Variants in CPED1 observed in about 807,000 individuals in gnomAD.
CPED1 encodes the protein cadherin like and PC-esterase domain containing 1.
CPED1 carries 114 observed loss-of-function variants against 128.2 expected under a neutral mutation model. The ratio of observed to expected loss-of-function variants is 0.89; its 90% confidence interval spans 0.76 to 1.04. The LOEUF (loss-of-function observed/expected upper bound fraction) is 1.04, where lower values mean the gene tolerates loss of function less well. Ranked by LOEUF, CPED1 falls within the 50% of genes least tolerant of loss-of-function variation. The pLI is 0.00. For synonymous variants in CPED1, 462 were observed against 426.7 expected (o/e 1.08, Z -1.02); for missense variants, 1,211 against 1,207.1 (o/e 1.00, Z -0.05).
rs528887641 is a variant in CPED1 at position 121,028,453 on chromosome 7, C to T, written c.433+12605C>T. Among the ~76,000 whole-genome samples, 5 of 152,198 alleles carry T rather than the reference C, an allele frequency of 3.3e-5. No homozygotes were observed. In the South Asian group the frequency reaches 6.2e-4, roughly 19 times the overall value. On this transcript the variant is annotated intron_variant, in intron 3 of 22. Transcript: ENST00000310396. The stretch of plus-strand genomic sequence containing the variant: ...AAGCCCCACACTGAATTTGCGCAGA[C>T]GCTGAACCCATTAATTATGAGTTGA...
At chr7:121,266,539 A>G in intron 19 of CPED1, 92 bp downstream of exon 19, 3 of 1,243,198 alleles carry the variant, frequency 2.4e-6, no homozygotes, top group East Asian at 4.7e-5. Context: ...CTGTACATCA[A>G]ATGTGCTCAA....
At chr7:121,111,915 T>C (rs1475180976) in intron 7 of CPED1, among the ~76,000 whole-genome samples, 2 of 152,138 alleles carry the variant, frequency 1.3e-5, no homozygotes, top group Non-Finnish European at 2.9e-5. Flanking sequence ...TTTCTCATGG[T>C]TCTATAAATT....
intron 3 of CPED1, among the ~76,000 whole-genome samples, chr7:121,027,916 G>A (rs899362632): frequency 1.3e-5 from 2 of 151,996 alleles, no homozygotes; most frequent in African/African-American, 4.8e-5. Context: ...CTCCTTATCA[G>A]AGTCACTAAA....
chr7:121,266,872 C>CT, intron 20 of CPED1, 64 bp downstream of exon 20: 2 of 1,135,646 alleles, frequency 1.8e-6, no homozygotes, highest in Non-Finnish European at 2.7e-6. Flanking sequence ...ATGGATGTGA[C>CT]TGAGTTTTAT....
chr7:121,235,128 C>CT (rs1474557924), intron 16 of CPED1, among the ~76,000 whole-genome samples: 3 of 152,136 alleles, frequency 2.0e-5, no homozygotes, highest in South Asian at 4.1e-4. Context: ...AATCATGACA[C>CT]TTTTTTCTGG....
chr7:121,082,265 T>C (rs1794313337), intron 5 of CPED1, among the ~76,000 whole-genome samples: 1 of 152,054 alleles, frequency 6.6e-6, no homozygotes, highest in African/African-American at 2.4e-5. Context: ...TCTATGAAAA[T>C]AATATATAAG....
intron 17 of CPED1, among the ~76,000 whole-genome samples, chr7:121,240,500 C>T (rs1401583474): frequency 6.6e-6 from 1 of 152,132 alleles, no homozygotes; most frequent in Non-Finnish European, 1.5e-5. Flanking sequence ...TCTCTGTCAA[C>T]ACAGGAGCTC....
intron 7 of CPED1, among the ~76,000 whole-genome samples, chr7:121,114,969 G>A (rs1020133701): frequency 1.3e-5 from 2 of 152,158 alleles, no homozygotes; most frequent in African/African-American, 4.8e-5. Flanking sequence ...AACACCTTAT[G>A]GTTTTATATG....
intron 5 of CPED1, among the ~76,000 whole-genome samples, chr7:121,085,233 G>A (rs951735403): frequency 1.3e-5 from 2 of 152,096 alleles, no homozygotes; most frequent in African/African-American, 4.8e-5. Flanking sequence ...CCATGTCCAG[G>A]GTCAGGGACA....
At position 120,989,803 on chromosome 7, in the gene CPED1, G is replaced by A. The variant is rs1585002217; in HGVS notation, c.182G>A (p.Cys61Tyr). ...TCCACTGAAACCCAGGCAAGCAGAT[G>A]CAAGAAAGGATTCTCTCAGGACAAA... ...HTSTETQASR[C>Y]KKGFSQDKQC... Residue 61 changes from cysteine (C) to tyrosine (Y), a missense_variant, in exon 2 of 23, where the codon TGC becomes TAC. Transcript: ENST00000310396. The A allele has an allele frequency of 8.7e-6, 14 of 1,614,074 alleles. No homozygotes were observed. The East Asian group carries it at 2.9e-4, about 33-fold the overall frequency.
chr7:121,094,323 G>C (rs112343803), intron 5 of CPED1, among the ~76,000 whole-genome samples: 2,239 of 152,184 alleles, frequency 0.015, 27 homozygotes, highest in Non-Finnish European at 0.023. Context: ...ATTATTAGTT[G>C]TAAGGCAAAA....
At chr7:121,239,433 AAAT>A (rs1410981146) in intron 17 of CPED1, among the ~76,000 whole-genome samples, 1 of 152,170 alleles carries the variant, frequency 6.6e-6, no homozygotes, top group Non-Finnish European at 1.5e-5. Flanking sequence ...AAGAAAGAAA[AAAT>A]AATTATTCTA....
At chr7:121,059,377 C>T (rs7808593) in intron 4 of CPED1, among the ~76,000 whole-genome samples, 101,662 of 152,032 alleles carry the variant, frequency 0.67, 36,275 homozygotes, top group Admixed American at 0.81. Flanking sequence ...CCTAATTCCT[C>T]GTCATTAATT....
chr7:121,057,063 C>T (rs1371720898), intron 4 of CPED1, among the ~76,000 whole-genome samples: 1 of 151,946 alleles, frequency 6.6e-6, no homozygotes, highest in Non-Finnish European at 1.5e-5. Context: ...CTGAAATCTC[C>T]ACCTCCCAGG....
intron 16 of CPED1, among the ~76,000 whole-genome samples, chr7:121,161,962 G>A (rs182686280): frequency 1.3e-5 from 2 of 152,188 alleles, no homozygotes; most frequent in Admixed American, 1.3e-4. Flanking sequence ...TATGATTGGA[G>A]TAACCTCACA....
chr7:121,000,553 A>G (rs941927473), intron 2 of CPED1, among the ~76,000 whole-genome samples: 13 of 152,168 alleles, frequency 8.5e-5, no homozygotes, highest in African/African-American at 3.1e-4. Flanking sequence ...GGGCCTTATC[A>G]TGTTCCTTGA....
intron 5 of CPED1, among the ~76,000 whole-genome samples, chr7:121,091,120 AAAG>A (rs1259527784): frequency 2.6e-5 from 4 of 152,134 alleles, no homozygotes; most frequent in African/African-American, 9.7e-5. Context: ...GGTTGCTTGA[AAAG>A]AAGTATGTCT....
intron 14 of CPED1, among the ~76,000 whole-genome samples, chr7:121,137,700 A>T (rs1267411443): frequency 6.6e-6 from 1 of 152,112 alleles, no homozygotes; most frequent in Non-Finnish European, 1.5e-5. Flanking sequence ...TACTTATGCC[A>T]TTCCTTCCCT....
intron 22 of CPED1, among the ~76,000 whole-genome samples, chr7:121,286,312 A>G (rs1349506764): frequency 2.0e-5 from 3 of 152,208 alleles, no homozygotes; most frequent in Non-Finnish European, 4.4e-5. Flanking sequence ...GCCAAATCAT[A>G]TCACTCCTCT....
Sources: gnomAD v4.1 joint callset for allele counts (sites outside exome capture counted in the v4.1 genomes callset) on GRCh38, gnomAD v4.1.1 for gene constraint, MANE v1.5 for transcripts, NCBI Gene and HGNC (gene_info 2026-07-23, HGNC 2026-07-21) for gene names.